OSBP2: variants seen among roughly 807,000 people sequenced by gnomAD.
OSBP2 encodes oxysterol binding protein 2, also known as oxysterol-binding protein 2.
Under a neutral mutation model 96.0 loss-of-function variants are expected in OSBP2, and 66 were observed. That is an observed-to-expected ratio of 0.69 (90% CI 0.56 to 0.84). The LOEUF is 0.84. OSBP2 is among the 40% of genes least tolerant of loss of function. The pLI is 0.00. For synonymous variants in OSBP2, 525 were observed against 520.9 expected, an observed-to-expected ratio of 1.01 and a Z score of -0.11; for missense variants, 1,038 against 1,222.7, an observed-to-expected ratio of 0.85 and a Z score of 2.25.
At chr22:30,711,739 CAA>C (rs34152986) in intron 1 of OSBP2, among the ~76,000 whole-genome samples, 14,044 of 91,652 alleles carry the variant, frequency 0.15, 1,101 homozygotes, top group East Asian at 0.39. Flanking sequence ...GACCCTATCT[CAA>C]AAAAAAAAAA....
At chr22:30,728,911 C>T (rs1472653099) in intron 1 of OSBP2, among the ~76,000 whole-genome samples, 1 of 152,110 alleles carries the variant, frequency 6.6e-6, no homozygotes, top group East Asian at 1.9e-4. Flanking sequence ...TGTGTATGGA[C>T]CTGCAAGTTG....
intron 2 of OSBP2, among the ~76,000 whole-genome samples, chr22:30,834,714 G>C (rs549596651): frequency 2.6e-5 from 4 of 151,484 alleles, no homozygotes; most frequent in Non-Finnish European, 4.4e-5. Flanking sequence ...TTTTATTCTC[G>C]TATGAGTTAT....
At chr22:30,736,112 C>T (rs1236269216) in intron 1 of OSBP2, among the ~76,000 whole-genome samples, 4 of 152,048 alleles carry the variant, frequency 2.6e-5, no homozygotes, top group Non-Finnish European at 5.9e-5. Flanking sequence ...TGGGGTTTCA[C>T]CATGTTGTCC....
At chr22:30,840,649 A>C (rs1243682492) in intron 2 of OSBP2, among the ~76,000 whole-genome samples, 1 of 152,186 alleles carries the variant, frequency 6.6e-6, no homozygotes, top group Non-Finnish European at 1.5e-5. Flanking sequence ...GAAGTGAAAG[A>C]GTTGATATGG....
rs1027991860 is a variant in OSBP2, at chr22:30,870,971, G to A, written c.1107+289G>A. 5.9e-5 allele frequency among the ~76,000 whole-genome samples: 9 copies of A among 152,138 alleles called. No individual in the cohort carries two copies. Among genetic ancestry groups the A allele is most frequent in the East Asian group, 3.9e-4 (2 of 5,184 alleles). On this transcript the variant is annotated intron_variant, in intron 3 of 13. Coordinates refer to ENST00000332585, the MANE Select transcript of OSBP2 (RefSeq NM_030758.4). This position sits in a 1 kb window ranked among gnomAD's most constrained non-coding sequence, Gnocchi z 4.1. ...ACTTCATGCCTCGATAAGGAAGGTC[G>A]GGGCCCCAAGTTAAGTAGCTAGCCC...
chr22:30,763,305 A>AT lies in OSBP2; in HGVS notation c.853+21944dup, dbSNP rs537068696. The stretch of plus-strand genomic sequence containing the variant: ...ACTTTTGGGTGCAGAGGGTATTTGT[A>AT]TTTTTTTTCAAAAGCTCCTTGAGTG... On this transcript the variant is annotated intron_variant, in intron 2 of 13. Coordinates refer to ENST00000332585, the MANE Select transcript of OSBP2 (RefSeq NM_030758.4). Among the ~76,000 whole-genome samples the AT allele has an allele frequency of 7.1e-4, 108 of 152,060 alleles. 1 individual carries two copies. Among genetic ancestry groups the AT allele is most frequent in the Admixed American group, 1.6e-3 (25 of 15,234 alleles).
Position 30,834,714 on chromosome 22 carries a change from G to T in OSBP2, c.854-35715G>T, listed in dbSNP as rs549596651. On this transcript the variant is annotated intron_variant, in intron 2 of 13. Coordinates refer to ENST00000332585, the MANE Select transcript of OSBP2 (RefSeq NM_030758.4). ...CTATTTGGGTTGTCTTTTTATTCTC[G>T]TATGAGTTATTTATATATTCTGGAT... is the stretch of plus-strand genomic sequence containing the variant. 4.0e-5 allele frequency among the ~76,000 whole-genome samples: 6 copies of T among 151,582 alleles called. No homozygotes were observed. The South Asian group carries it at 8.3e-4, about 21-fold the overall frequency.
intron 2 of OSBP2, among the ~76,000 whole-genome samples, chr22:30,840,305 TAAA>T (rs71202016): frequency 1.8e-4 from 26 of 140,912 alleles, no homozygotes; most frequent in African/African-American, 6.7e-4. Context: ...ATAAACCTGT[TAAA>T]AAAAAAAAGA....
intron 2 of OSBP2, among the ~76,000 whole-genome samples, chr22:30,817,482 G>C (rs1029701532): frequency 1.3e-5 from 2 of 152,174 alleles, no homozygotes; most frequent in African/African-American, 4.8e-5. Flanking sequence ...CTCCCAAGCT[G>C]GTGCTGGCAT....
chr22:30,709,744 C>T (rs1422401308), intron 1 of OSBP2, among the ~76,000 whole-genome samples: 1 of 151,860 alleles, frequency 6.6e-6, no homozygotes, highest in African/African-American at 2.4e-5. Context: ...GCTGTGTCAC[C>T]CAGGCTGGTT....
At chr22:30,702,599 G>A (rs899919873) in intron 1 of OSBP2, among the ~76,000 whole-genome samples, 2 of 152,176 alleles carry the variant, frequency 1.3e-5, no homozygotes, top group African/African-American at 4.8e-5. Context: ...GGGTGACAGA[G>A]TGAGACTCGG....
chr22:30,811,312 A>AT (rs995526445), intron 2 of OSBP2, among the ~76,000 whole-genome samples: 1 of 144,188 alleles, frequency 6.9e-6, no homozygotes, highest in Non-Finnish European at 1.5e-5. Context: ...TTCTGATTTT[A>AT]TTTTTTTTAT....
chr22:30,848,748 G>A (rs1288284492), intron 2 of OSBP2, among the ~76,000 whole-genome samples: 2 of 152,080 alleles, frequency 1.3e-5, no homozygotes, highest in East Asian at 3.8e-4. Flanking sequence ...TGAATATGTA[G>A]TTTGTTCGTT....
At chr22:30,755,519 G>A (rs2090129792) in intron 2 of OSBP2, among the ~76,000 whole-genome samples, 1 of 152,176 alleles carries the variant, frequency 6.6e-6, no homozygotes, top group South Asian at 2.1e-4. Flanking sequence ...GTGATTGGTT[G>A]TTTAAGCAGC....
Position 30,893,242 on chromosome 22 carries a change from G to T in OSBP2, c.1990G>T (p.Gly664Cys). ...AAAATACATCTCCATCATGCCGCTA[G>T]GTGAGCTGGGGCCCGGTGCCTTCCT... is the stretch of plus-strand genomic sequence containing the variant. ...RGKYISIMPL[G>C]AIHLEFQASG... The change falls in exon 9 of 14, where the codon GGT becomes TGT. Residue 664 changes from glycine (G) to cysteine (C), a missense_variant and splice_region_variant. Coordinates refer to ENST00000332585, the MANE Select transcript of OSBP2 (RefSeq NM_030758.4). 1 of 1,614,086 alleles carries T rather than the reference G, an allele frequency of 6.2e-7. No individual in the cohort carries two copies. The highest frequency in any genetic ancestry group is 1.1e-5 in the South Asian group (1 of 91,080).
intron 2 of OSBP2, among the ~76,000 whole-genome samples, chr22:30,862,442 G>A (rs2039231149): frequency 6.6e-6 from 1 of 152,240 alleles, no homozygotes; most frequent in Admixed American, 6.5e-5. Context: ...CACTTTGGGA[G>A]GGTGAGGCAG....
intron 2 of OSBP2, among the ~76,000 whole-genome samples, chr22:30,748,363 A>G (rs2090033536): frequency 6.6e-6 from 1 of 152,074 alleles, no homozygotes; most frequent in African/African-American, 2.4e-5. Context: ...GACCCACTGC[A>G]CCTGGCCTAA....
chr22:30,780,869 A>G (rs1349031997), intron 2 of OSBP2, among the ~76,000 whole-genome samples: 3 of 152,180 alleles, frequency 2.0e-5, no homozygotes, highest in Non-Finnish European at 4.4e-5. Flanking sequence ...AAACGACTCA[A>G]ATGTAAAAAC....
intron 1 of OSBP2, among the ~76,000 whole-genome samples, chr22:30,700,733 C>T (rs2089144395): frequency 6.6e-6 from 1 of 152,042 alleles, no homozygotes; most frequent in South Asian, 2.1e-4. Flanking sequence ...CAAGGAATGC[C>T]TCCCAGAAAT....
Sources: gnomAD v4.1 joint callset for allele counts (sites outside exome capture counted in the v4.1 genomes callset) on GRCh38, gnomAD v4.1.1 for gene constraint, Gnocchi (gnomAD v3.1) non-coding constraint, MANE v1.5 for transcripts, NCBI Gene and HGNC (gene_info 2026-07-23, HGNC 2026-07-21) for gene names.